Variants in MRTFA observed in about 807,000 individuals in gnomAD.
MRTFA encodes myocardin-related transcription factor A.
In MRTFA, 20 loss-of-function variants were observed where a neutral mutation model predicts 83.5. That is an observed-to-expected ratio of 0.24 (90% confidence interval 0.17 to 0.35). The LOEUF (loss-of-function observed/expected upper bound fraction) is 0.35, where lower values mean the gene tolerates loss of function less well. Ranked by LOEUF, MRTFA falls within the 10% of genes least tolerant of loss-of-function variation. The pLI is 1.00. For synonymous variants in MRTFA, 659 were observed against 541.2 expected (o/e 1.22, Z -3.02); for missense variants, 1,200 against 1,224.7 (o/e 0.98, Z 0.30).
intron 4 of MRTFA, among the ~76,000 whole-genome samples, chr22:40,459,858 T>C (rs1039744399): frequency 7.5e-6 from 1 of 134,026 alleles, no homozygotes; most frequent in Non-Finnish European, 1.6e-5. Flanking sequence ...TATATATATA[T>C]ATATACACAC....
chr22:40,540,999 T>C (rs956548381), intron 3 of MRTFA, among the ~76,000 whole-genome samples: 2 of 152,082 alleles, frequency 1.3e-5, no homozygotes, highest in African/African-American at 4.8e-5. Context: ...AAAATTTTCA[T>C]TAGAACACAT....
intron 3 of MRTFA, among the ~76,000 whole-genome samples, chr22:40,546,404 C>T (rs1331273721): frequency 2.6e-5 from 4 of 152,050 alleles, no homozygotes; most frequent in East Asian, 1.9e-4. Context: ...TTTAAAAAGC[C>T]GGAAAAAGGT....
rs370720804 is a variant in MRTFA at position 40,572,901 on chromosome 22, T to C, written c.-21-20534A>G. On this transcript the variant is annotated intron_variant, in intron 2 of 14. Transcript: ENST00000355630. ...GGGTTCCTCCCACAACATGTGAGAA[T>C]TGTAGGAGTTACAATTCAAGATGAG... Among the ~76,000 whole-genome samples, 9 of 152,350 alleles carry C rather than the reference T, an allele frequency of 5.9e-5. 1 individual carries two copies. In the South Asian group the frequency reaches 6.2e-4, roughly 11 times the overall value.
chr22:40,495,325 G>A (rs936538213), intron 3 of MRTFA, among the ~76,000 whole-genome samples: 4 of 152,126 alleles, frequency 2.6e-5, no homozygotes, highest in Non-Finnish European at 5.9e-5. Flanking sequence ...GGTGGCGGGC[G>A]CCTGTAGTCC....
intron 3 of MRTFA, among the ~76,000 whole-genome samples, chr22:40,536,000 A>C (rs1167599909): frequency 6.6e-6 from 1 of 152,166 alleles, no homozygotes; most frequent in African/African-American, 2.4e-5. Flanking sequence ...AAAGAAAAAC[A>C]ATTTTTTAAA....
chr22:40,527,383 G>GTT (rs549254361), intron 3 of MRTFA, among the ~76,000 whole-genome samples: 1 of 143,160 alleles, frequency 7.0e-6, no homozygotes, highest in Non-Finnish European at 1.5e-5. Context: ...AGAAAGTGGA[G>GTT]TTTTTTTTTT....
At chr22:40,463,564 A>T in intron 3 of MRTFA, 1 of 354,598 alleles carries the variant, frequency 2.8e-6, no homozygotes. Context: ...AACCTCCAAA[A>T]CACTGAGTCC....
chr22:40,444,780 A>C (rs769959177), intron 4 of MRTFA, among the ~76,000 whole-genome samples: 7 of 152,050 alleles, frequency 4.6e-5, no homozygotes, highest in Non-Finnish European at 1.0e-4. Flanking sequence ...AAAAAAAAAA[A>C]ATGAGGGCCT....
intron 3 of MRTFA, among the ~76,000 whole-genome samples, chr22:40,493,282 T>G (rs2054299116): frequency 6.6e-6 from 1 of 152,178 alleles, no homozygotes; most frequent in Non-Finnish European, 1.5e-5. Flanking sequence ...GCCACCATAT[T>G]CTTCTCCCTA....
intron 1 of MRTFA, among the ~76,000 whole-genome samples, chr22:40,610,577 G>C (rs777090407): frequency 1.3e-5 from 2 of 152,032 alleles, no homozygotes; most frequent in Non-Finnish European, 2.9e-5. Flanking sequence ...AAGAAAAAGT[G>C]GGGGAGAAAA....
At chr22:40,485,227 TTCC>T (rs2054155910) in intron 3 of MRTFA, among the ~76,000 whole-genome samples, 1 of 152,208 alleles carries the variant, frequency 6.6e-6, no homozygotes, top group Non-Finnish European at 1.5e-5. Context: ...CCATGTACTT[TTCC>T]TCCTCCTGAT....
At chr22:40,471,129 C>A (rs1187092620) in intron 3 of MRTFA, among the ~76,000 whole-genome samples, 2 of 149,326 alleles carry the variant, frequency 1.3e-5, no homozygotes, top group Non-Finnish European at 3.0e-5. Flanking sequence ...CACCTGTGAT[C>A]CCAGCACTTT....
chr22:40,459,822 C>CACACACACATATACATATAT (rs1308675939), intron 4 of MRTFA, among the ~76,000 whole-genome samples: 2 of 68,266 alleles, frequency 2.9e-5, no homozygotes, highest in African/African-American at 1.3e-4. Context: ...CACACACACA[C>CACACACACATATACATATAT]ATATATACAT....
rs999828334 is a variant in MRTFA at position 40,410,679 on chromosome 22, A to G, written c.*711T>C. ...GTGGGCCTGGGTAGCTGCATGCCAGACTGGGCACCAGACTGTGGCACACAG... is the reference window on the plus strand; with the variant it reads ...GTGGGCCTGGGTAGCTGCATGCCAGGCTGGGCACCAGACTGTGGCACACAG... On this transcript the variant is annotated 3_prime_UTR_variant, in exon 15 of 15. Coordinates refer to ENST00000355630, the MANE Select transcript of MRTFA (RefSeq NM_020831.6). 7 of 233,214 alleles carry G rather than the reference A, an allele frequency of 3.0e-5. No individual in the cohort carries two copies. The Admixed American group carries it at 3.4e-4, about 11-fold the overall frequency. The allele number at this position is 233,214 out of a possible 1,614,324, so 14.4% of individuals were successfully genotyped here. A position where few individuals can be genotyped will look rare whatever the true frequency, so the allele number is the denominator to read the frequency against.
intron 14 of MRTFA, among the ~76,000 whole-genome samples, chr22:40,413,294 C>CA (rs1445065961): frequency 6.6e-6 from 1 of 150,588 alleles, no homozygotes; most frequent in South Asian, 2.1e-4. Flanking sequence ...CCATCTTTAT[C>CA]AAAAAACAAC....
chr22:40,528,509 G>A lies in MRTFA; in HGVS notation c.241+23597C>T, dbSNP rs185224033. On this transcript the variant is annotated intron_variant, in intron 3 of 14. Coordinates refer to ENST00000355630, the MANE Select transcript of MRTFA (RefSeq NM_020831.6). ...TCCCAGCACTTTTGGAGGCAGAGGC[G>A]GGCGGATCACCTGAGGTCAGGAATT... is the stretch of plus-strand genomic sequence containing the variant. Among the ~76,000 whole-genome samples, 13 of 152,032 alleles carry A rather than the reference G, an allele frequency of 8.6e-5. 1 individual carries two copies. Among genetic ancestry groups the A allele is most frequent in the East Asian group, 5.8e-4 (3 of 5,170 alleles).
chr22:40,576,657 C>T (rs2055871887), intron 2 of MRTFA, among the ~76,000 whole-genome samples: 1 of 152,158 alleles, frequency 6.6e-6, no homozygotes, highest in South Asian at 2.1e-4. Flanking sequence ...AGGGAAAATA[C>T]AAAAACTTTC....
intron 3 of MRTFA, chr22:40,519,689 A>C: frequency 9.4e-7 from 1 of 1,058,828 alleles, no homozygotes; most frequent in Non-Finnish European, 1.2e-6. Flanking sequence ...TATAACAATC[A>C]CACCCACTCA....
At chr22:40,587,681 GT>G in intron 2 of MRTFA, 5 of 324,178 alleles carry the variant, frequency 1.5e-5, no homozygotes, top group Admixed American at 3.7e-5. Context: ...ACAGTGCCAG[GT>G]TTTGGTTGGT....
Sources: gnomAD v4.1 joint callset for allele counts (sites outside exome capture counted in the v4.1 genomes callset) on GRCh38, gnomAD v4.1.1 for gene constraint, MANE v1.5 for transcripts, NCBI Gene and HGNC (gene_info 2026-07-23, HGNC 2026-07-21) for gene names.